Variants in CCDC171 observed in about 807,000 individuals in gnomAD.
The protein encoded by CCDC171 is coiled-coil domain-containing protein 171.
Under a neutral mutation model 168.2 loss-of-function variants are expected in CCDC171, and 177 were observed. The ratio of observed to expected loss-of-function variants is 1.05; its 90% CI spans 0.93 to 1.19. The LOEUF is 1.19. Among genes scored for constraint, CCDC171 ranks in the 50% most tolerant of loss-of-function variants. The pLI, the probability that CCDC171 is intolerant of heterozygous loss-of-function variation, is 0.00. For missense variants in CCDC171, 1,991 were observed against 1,539.0 expected, an observed-to-expected ratio of 1.29 and a Z score of -4.91; for synonymous variants, 687 against 540.8, an observed-to-expected ratio of 1.27 and a Z score of -3.75.
the CCDC171 span, among the ~76,000 whole-genome samples, chr9:16,069,454 G>C: frequency 7.9e-5 from 12 of 152,366 alleles, no homozygotes; most frequent in African/African-American, 2.6e-4. Context: ...GAGACCATAT[G>C]CACGAAGAAG....
the CCDC171 span, among the ~76,000 whole-genome samples, chr9:16,067,199 T>G: frequency 6.6e-6 from 1 of 152,086 alleles, no homozygotes; most frequent in Non-Finnish European, 1.5e-5. Flanking sequence ...GATTTGCATT[T>G]CTCTGATGGC....
intron 3 of CCDC171, among the ~76,000 whole-genome samples, chr9:15,992,447 A>C (rs1318412574): frequency 2.0e-5 from 3 of 152,092 alleles, no homozygotes; most frequent in Non-Finnish European, 4.4e-5. Flanking sequence ...TGTATCTCAA[A>C]ATAATAAGAG....
intron 18 of CCDC171, among the ~76,000 whole-genome samples, chr9:15,749,981 C>G (rs185150892): frequency 6.7e-6 from 1 of 149,804 alleles, no homozygotes; most frequent in Non-Finnish European, 1.5e-5. Context: ...CAGAGCAGAA[C>G]TGAAGGAGAT....
chr9:15,709,106 A>T (rs1419269420), intron 11 of CCDC171, among the ~76,000 whole-genome samples: 1 of 152,184 alleles, frequency 6.6e-6, no homozygotes, highest in Admixed American at 6.5e-5. Context: ...TAAAATTTAG[A>T]AGCTATTTGG....
intron 1 of CCDC171, among the ~76,000 whole-genome samples, chr9:16,055,119 A>T (rs562028704): frequency 6.6e-6 from 1 of 152,192 alleles, no homozygotes; most frequent in African/African-American, 2.4e-5. Flanking sequence ...ACAAAGGAGG[A>T]CCTCAGATTT....
the CCDC171 span, among the ~76,000 whole-genome samples, chr9:16,084,597 C>A: frequency 3.3e-5 from 5 of 152,180 alleles, no homozygotes; most frequent in African/African-American, 4.8e-5. Context: ...ACCCAGACTA[C>A]CCGCTTTCCA....
At chr9:15,763,425 T>G (rs1211276531) in intron 18 of CCDC171, among the ~76,000 whole-genome samples, 3 of 152,316 alleles carry the variant, frequency 2.0e-5, no homozygotes, top group Admixed American at 2.0e-4. Context: ...AGCCCCAACT[T>G]GCTAATCATA....
chr9:15,860,328 T>C (rs535149926), intron 23 of CCDC171, among the ~76,000 whole-genome samples: 2 of 151,974 alleles, frequency 1.3e-5, no homozygotes, highest in African/African-American at 4.8e-5. Flanking sequence ...TTGTTCTTCT[T>C]CTCGTTCGTT....
intron 6 of CCDC171, among the ~76,000 whole-genome samples, chr9:16,025,574 G>A (rs1445110077): frequency 1.3e-5 from 2 of 152,126 alleles, no homozygotes; most frequent in African/African-American, 2.4e-5. Context: ...TAAACAAAAT[G>A]TACTTTAGCC....
intron 7 of CCDC171, among the ~76,000 whole-genome samples, chr9:15,631,743 T>C (rs1446727783): frequency 2.0e-5 from 3 of 152,120 alleles, no homozygotes; most frequent in Non-Finnish European, 1.5e-5. Context: ...ACCACTATCC[T>C]TGATGAAGAT....
chr9:15,605,558 G>A (rs950467226), intron 6 of CCDC171, among the ~76,000 whole-genome samples: 9 of 147,970 alleles, frequency 6.1e-5, no homozygotes, highest in South Asian at 2.2e-4. Context: ...GTAGTGGCAC[G>A]CACCTGTAAT....
chr9:16,035,013 G>A (rs1052371920), intron 6 of CCDC171, among the ~76,000 whole-genome samples: 1 of 152,138 alleles, frequency 6.6e-6, no homozygotes, highest in Admixed American at 6.5e-5. Context: ...TCAACCAGAT[G>A]GCTACCCCAA....
At chr9:15,863,402 A>C (rs2061643004) in intron 23 of CCDC171, among the ~76,000 whole-genome samples, 1 of 151,912 alleles carries the variant, frequency 6.6e-6, no homozygotes, top group Non-Finnish European at 1.5e-5. Context: ...TCCATGGGGG[A>C]AGGAGAGTCC....
chr9:15,635,787 G>C (rs190603562), intron 7 of CCDC171, among the ~76,000 whole-genome samples: 1 of 152,276 alleles, frequency 6.6e-6, no homozygotes, highest in East Asian at 1.9e-4. Context: ...TATGTTTTCA[G>C]TTGTCTTTAT....
chr9:15,557,795 G>A (rs561431929), intron 1 of CCDC171, among the ~76,000 whole-genome samples: 5 of 152,132 alleles, frequency 3.3e-5, no homozygotes, highest in African/African-American at 4.8e-5. Context: ...GTGGTGAGAG[G>A]GGGCATCCCT....
intron 21 of CCDC171, among the ~76,000 whole-genome samples, chr9:15,833,799 A>C (rs1287189285): frequency 7.2e-5 from 11 of 152,208 alleles, no homozygotes; most frequent in Non-Finnish European, 2.9e-5. Flanking sequence ...AACTTTTAAA[A>C]CAATTTTAAA....
intron 3 of CCDC171, among the ~76,000 whole-genome samples, chr9:15,979,073 C>T (rs184684136): frequency 0.023 from 3,512 of 152,196 alleles, 118 homozygotes; most frequent in African/African-American, 0.078. Flanking sequence ...CTACTTCATT[C>T]CTTTTCAAGT....
Position 15,683,601 on chromosome 9 carries a change from T to C in CCDC171, c.1215+4705T>C, listed in dbSNP as rs1455366196. On this transcript the variant is annotated intron_variant, in intron 10 of 25. Transcript: ENST00000380701. ...TAAATTTTAGTTCTAGTAAATAATA[T>C]TCATCGCGTAAGTGTCTTTGTGTAT... Among the ~76,000 whole-genome samples, 10 of 152,096 alleles carry C rather than the reference T, an allele frequency of 6.6e-5. No homozygotes were observed. The East Asian group carries it at 1.7e-3, about 26-fold the overall frequency.
intron 24 of CCDC171, among the ~76,000 whole-genome samples, chr9:15,914,432 C>T (rs1279966440): frequency 6.6e-6 from 1 of 152,134 alleles, no homozygotes; most frequent in Non-Finnish European, 1.5e-5. Context: ...TTCCTGGAGG[C>T]TTTGTTTAAA....
Sources: allele counts gnomAD v4.1 joint callset (sites outside exome capture counted in the v4.1 genomes callset), GRCh38; gene constraint gnomAD v4.1.1; transcripts MANE v1.5; gene names NCBI Gene and HGNC (gene_info 2026-07-23, HGNC 2026-07-21).